Variants in NRDE2 observed in about 807,000 individuals in gnomAD.
NRDE2 encodes NRDE-2, necessary for RNA interference, domain containing, also known as nuclear exosome regulator NRDE2.
Under a neutral mutation model 124.2 loss-of-function variants are expected in NRDE2, and 76 were observed. The ratio of observed to expected loss-of-function variants is 0.61; its 90% CI spans 0.51 to 0.74. The LOEUF is 0.74. Among genes scored for constraint, NRDE2 ranks in the 30% least tolerant of loss-of-function variants. The probability of loss-of-function intolerance (pLI) is 0.00; values close to 1 mark genes in which losing one functional copy is unlikely to be tolerated. For synonymous variants in NRDE2, 489 were observed against 528.1 expected, an observed-to-expected ratio of 0.93 and a Z score of 1.01; for missense variants, 1,314 against 1,417.3, an observed-to-expected ratio of 0.93 and a Z score of 1.17.
Position 90,270,483 on chromosome 14 carries a change from A to G in NRDE2, c.*7853T>C, listed in dbSNP as rs1290856710. On this transcript the variant is annotated 3_prime_UTR_variant, in exon 14 of 14. Coordinates refer to ENST00000354366, the MANE Select transcript of NRDE2 (RefSeq NM_017970.4). ...TGTATTTTAATCATCATATTGGTTT[A>G]CGATTACATCCAAATGGTATATGTG... 10 of 1,015,720 alleles carry G rather than the reference A, an allele frequency of 9.8e-6. No individual in the cohort carries two copies. Among genetic ancestry groups the G allele is most frequent in the Non-Finnish European group, 1.4e-5 (10 of 723,674 alleles). 62.9% of individuals were successfully genotyped at this position (1,015,720 alleles called of 1,614,324 possible). A position where few individuals can be genotyped will look rare whatever the true frequency, so the allele number is the denominator to read the frequency against.
At chr14:90,318,677 G>A (rs1331202935) in intron 1 of NRDE2, among the ~76,000 whole-genome samples, 1 of 152,142 alleles carries the variant, frequency 6.6e-6, no homozygotes, top group Non-Finnish European at 1.5e-5. Context: ...GCACACGCCT[G>A]TAATCCCAGC....
intron 8 of NRDE2, among the ~76,000 whole-genome samples, chr14:90,294,694 A>C (rs1178444233): frequency 6.6e-6 from 1 of 152,128 alleles, no homozygotes; most frequent in South Asian, 2.1e-4. Flanking sequence ...AGAAGTGAGG[A>C]ATTTGTCTTT....
intron 4 of NRDE2, among the ~76,000 whole-genome samples, chr14:90,311,171 T>C (rs1051493327): frequency 6.6e-6 from 1 of 152,238 alleles, no homozygotes; most frequent in African/African-American, 2.4e-5. Flanking sequence ...ATCTTCAAGA[T>C]CTCCTCTTGG....
At chr14:90,320,519 C>A (rs1885205065) in intron 1 of NRDE2, among the ~76,000 whole-genome samples, 1 of 152,166 alleles carries the variant, frequency 6.6e-6, no homozygotes, top group Non-Finnish European at 1.5e-5. Context: ...TTTGCAGGGG[C>A]ACACAGAGCC....
chr14:90,329,804 C>T (rs1885594740), intron 1 of NRDE2, among the ~76,000 whole-genome samples: 1 of 145,910 alleles, frequency 6.9e-6, no homozygotes, highest in Non-Finnish European at 1.5e-5. Context: ...TGCCACTGCA[C>T]TCCAGCCTGG....
chr14:90,283,814 C>T (rs1255408626), intron 12 of NRDE2, among the ~76,000 whole-genome samples: 2 of 151,292 alleles, frequency 1.3e-5, no homozygotes, highest in East Asian at 1.9e-4. Context: ...TGGGTTCAAG[C>T]GATTCTTCTG....
At position 90,301,130 on chromosome 14, in the gene NRDE2, A is replaced by G. The variant is rs992680854; in HGVS notation, c.1545+109T>C. 1.4e-5 allele frequency: 15 copies of G among 1,103,990 alleles called. No individual in the cohort carries two copies. The African/African-American group carries it at 1.4e-4, about 10-fold the overall frequency. 68.4% of individuals were successfully genotyped at this position (1,103,990 alleles called of 1,614,324 possible). ...GAGGATATGATATTTTAAAAACACT[A>G]CCACACCACCTCTCATTATCCACAC... is the stretch of plus-strand genomic sequence containing the variant. On this transcript the variant is annotated intron_variant, in intron 7 of 13. Coordinates refer to ENST00000354366, the MANE Select transcript of NRDE2 (RefSeq NM_017970.4).
chr14:90,293,042 A>G (rs537743720), intron 8 of NRDE2, among the ~76,000 whole-genome samples, 170 bp from the exon 9 acceptor site: 1 of 152,294 alleles, frequency 6.6e-6, no homozygotes, highest in East Asian at 1.9e-4. Flanking sequence ...GTAATCAATC[A>G]AGTCCTCAGG....
rs1251431564 is a variant in NRDE2 at position 90,290,498 on chromosome 14, G to T, written c.1952C>A (p.Thr651Asn). 1.9e-6 allele frequency: 3 copies of T among 1,613,918 alleles called. No homozygotes were observed. The highest frequency in any genetic ancestry group is 2.5e-6 in the Non-Finnish European group (3 of 1,179,998). The change falls in exon 10 of 14, where the codon ACT (threonine) becomes AAT (asparagine). Residue 651 changes from threonine (T) to asparagine (N), a missense_variant. By Grantham distance (65) the Thr-to-Asn change is moderately conservative (BLOSUM62 0). Coordinates refer to ENST00000354366, the MANE Select transcript of NRDE2 (RefSeq NM_017970.4). ...CAGATAAAGACAGGAGGCTGGAGGA[G>T]TAAAGCCAGAAGGCACACCCAAGAA... ...LQFLGVPSGF[T>N]PPASCLYLAM...
chr14:90,321,935 T>C (rs565213285), intron 1 of NRDE2, among the ~76,000 whole-genome samples: 1 of 152,162 alleles, frequency 6.6e-6, no homozygotes, highest in Admixed American at 6.6e-5. Flanking sequence ...GGGTCTGAGA[T>C]GGCTCTTCAG....
At chr14:90,279,872 C>T (rs1007243172) in intron 12 of NRDE2, 4 of 152,248 alleles carry the variant, frequency 2.6e-5, no homozygotes, top group African/African-American at 9.7e-5. Flanking sequence ...GCTTGTGGAG[C>T]TGAAGTCTCT....
chr14:90,312,047 T>G (rs978721045), intron 4 of NRDE2, among the ~76,000 whole-genome samples: 1 of 152,214 alleles, frequency 6.6e-6, no homozygotes, highest in African/African-American at 2.4e-5. Flanking sequence ...TTTCCAACTT[T>G]AAAAAATGAC....
intron 8 of NRDE2, among the ~76,000 whole-genome samples, chr14:90,294,017 A>C (rs911531412): frequency 3.3e-5 from 5 of 152,248 alleles, no homozygotes; most frequent in African/African-American, 1.2e-4. Flanking sequence ...AGCTTCATGC[A>C]TAATCGCCAA....
chr14:90,331,591 A>G (rs190315178), intron 1 of NRDE2, among the ~76,000 whole-genome samples: 53 of 152,358 alleles, frequency 3.5e-4, no homozygotes, highest in East Asian at 3.5e-3. Context: ...AACATCGTAC[A>G]GAAGTCCCAG....
chr14:90,298,187 A>T, intron 8 of NRDE2, 73 bp downstream of exon 8: 1 of 1,488,658 alleles, frequency 6.7e-7, no homozygotes, highest in Non-Finnish European at 9.3e-7. Context: ...TTAAGCAGAT[A>T]AATAATCATG....
At position 90,278,111 on chromosome 14, in the gene NRDE2, A is replaced by G. The variant is rs1193201439; in HGVS notation, c.*225T>C. On this transcript the variant is annotated 3_prime_UTR_variant, in exon 14 of 14. Transcript: ENST00000354366. ...GTGGCATGACTCTCTGGCTATGTACATATATACACATATTCACATATATAA... is the reference window on the plus strand; with the variant it reads ...GTGGCATGACTCTCTGGCTATGTACGTATATACACATATTCACATATATAA... 1 of 487,064 alleles carries G rather than the reference A, an allele frequency of 2.1e-6. No homozygotes were observed. Among genetic ancestry groups the G allele is most frequent in the Non-Finnish European group, 3.7e-6 (1 of 267,168 alleles). The allele number at this position is 487,064 out of a possible 1,614,324, so 30.2% of individuals were successfully genotyped here. A position where few individuals can be genotyped will look rare whatever the true frequency, so the allele number is the denominator to read the frequency against.
At position 90,298,243 on chromosome 14, in the gene NRDE2, A is replaced by C. The variant is rs971563773; in HGVS notation, c.1666+17T>G. 11 of 1,612,136 alleles carry C rather than the reference A, an allele frequency of 6.8e-6. No homozygotes were observed. Among genetic ancestry groups the C allele is most frequent in the African/African-American group, 1.3e-5 (1 of 74,956 alleles). On this transcript the variant is annotated intron_variant, in intron 8 of 13. Coordinates refer to ENST00000354366, the MANE Select transcript of NRDE2 (RefSeq NM_017970.4). ...AGAAGAAACAGAAGTACACGTCTTC[A>C]ATGAGAGGTGACTTACCTGGGTTGA...
rs1185291476 is a variant in NRDE2, at chr14:90,271,438, T to C, written c.*6898A>G. ...ACAGTAACCCATGTAACATGGGTTA[T>C]TGTTTTCTTTTACTTTGGGCCAGTA... On this transcript the variant is annotated 3_prime_UTR_variant, in exon 14 of 14. Coordinates refer to ENST00000354366, the MANE Select transcript of NRDE2 (RefSeq NM_017970.4). 1 of 152,214 alleles carries C rather than the reference T, an allele frequency of 6.6e-6. No individual in the cohort carries two copies. Among genetic ancestry groups the C allele is most frequent in the Non-Finnish European group, 1.5e-5 (1 of 68,036 alleles). 9.4% of individuals were successfully genotyped at this position (152,214 alleles called of 1,614,324 possible). A position where few individuals can be genotyped will look rare whatever the true frequency, so the allele number is the denominator to read the frequency against.
intron 1 of NRDE2, among the ~76,000 whole-genome samples, chr14:90,327,507 C>T (rs934867210): frequency 2.6e-5 from 4 of 151,848 alleles, no homozygotes; most frequent in African/African-American, 9.7e-5. Flanking sequence ...TGTGATTGCG[C>T]CACTACACTC....
Sources: allele counts gnomAD v4.1 joint callset (sites outside exome capture counted in the v4.1 genomes callset), GRCh38; gene constraint gnomAD v4.1.1; transcripts MANE v1.5; gene names NCBI Gene and HGNC (gene_info 2026-07-23, HGNC 2026-07-21).